The following MGAT5 variants were observed in gnomAD, a reference collection of about 807,000 sequenced individuals.
The protein encoded by MGAT5 is alpha-1,6-mannosylglycoprotein 6-beta-N-acetylglucosaminyltransferase A.
A neutral mutation model predicts 94.3 loss-of-function variants in MGAT5; 30 were observed. The observed-to-expected ratio is 0.32, with a 90% CI of 0.24 to 0.43. MGAT5 has a LOEUF of 0.43. Ranked by LOEUF, MGAT5 falls within the 20% of genes least tolerant of loss-of-function variation. The pLI, the probability that MGAT5 is intolerant of heterozygous loss-of-function variation, is 1.00. For missense variants in MGAT5, 691 were observed against 905.5 expected (o/e 0.76, Z 3.04); for synonymous variants, 310 against 322.9 (o/e 0.96, Z 0.43).
At chr2:134,327,771 T>A (rs1196446547) in intron 4 of MGAT5, among the ~76,000 whole-genome samples, 1 of 152,160 alleles carries the variant, frequency 6.6e-6, no homozygotes, top group Admixed American at 6.6e-5. Context: ...AGGGCTCAGA[T>A]AGACTGTTAG....
At chr2:134,159,204 T>TGA (rs1687616559) in intron 1 of MGAT5, among the ~76,000 whole-genome samples, 1 of 151,472 alleles carries the variant, frequency 6.6e-6, no homozygotes, top group Non-Finnish European at 1.5e-5. Flanking sequence ...TGTGTGTGTG[T>TGA]GTGTGTGTGT....
rs371415125 is a variant in MGAT5, at chr2:134,280,185, C to T, written c.406+9635C>T. 1.8e-4 allele frequency among the ~76,000 whole-genome samples: 27 copies of T among 152,194 alleles called. No individual in the cohort carries two copies. The East Asian group carries it at 3.3e-3, about 19-fold the overall frequency. ...CCCAGAAAAAGGAGAGAAAGCAATG[C>T]GGGGTGAAGATGGTTTGAAATTCTT... On this transcript the variant is annotated intron_variant, in intron 2 of 15. Transcript: ENST00000281923.
At chr2:134,235,310 G>A (rs1180855460) in intron 1 of MGAT5, among the ~76,000 whole-genome samples, 1 of 152,148 alleles carries the variant, frequency 6.6e-6, no homozygotes, top group African/African-American at 2.4e-5. Flanking sequence ...CTGCACCTTA[G>A]AGTCTCTTGG....
chr2:134,291,906 C>T (rs900089950), intron 2 of MGAT5, among the ~76,000 whole-genome samples: 4 of 152,120 alleles, frequency 2.6e-5, no homozygotes, highest in African/African-American at 4.8e-5. Context: ...CCCTTTATAT[C>T]GGCAGTCATA....
intron 4 of MGAT5, among the ~76,000 whole-genome samples, chr2:134,320,652 A>G (rs1687260558): frequency 6.6e-6 from 1 of 152,120 alleles, no homozygotes; most frequent in South Asian, 2.1e-4. Flanking sequence ...TATTTGACCA[A>G]TAATAACAGC....
chr2:134,170,306 C>A (rs1045597809), intron 1 of MGAT5, among the ~76,000 whole-genome samples: 1 of 152,328 alleles, frequency 6.6e-6, no homozygotes, highest in Non-Finnish European at 1.5e-5. Flanking sequence ...TCAAGGCTGT[C>A]TCAGACACAT....
intron 2 of MGAT5, among the ~76,000 whole-genome samples, chr2:134,288,123 G>A (rs538591661): frequency 6.6e-6 from 1 of 152,060 alleles, no homozygotes; most frequent in Non-Finnish European, 1.5e-5. Context: ...CTTTATTTTT[G>A]CTGGTTTGGC....
At chr2:134,261,472 G>A (rs989021214) in intron 1 of MGAT5, among the ~76,000 whole-genome samples, 11 of 152,110 alleles carry the variant, frequency 7.2e-5, no homozygotes, top group Admixed American at 2.6e-4. Context: ...CTGAGCATTC[G>A]CCTGTCTTTG....
At chr2:134,312,555 C>T (rs1686739794) in intron 2 of MGAT5, among the ~76,000 whole-genome samples, 1 of 152,138 alleles carries the variant, frequency 6.6e-6, no homozygotes, top group Non-Finnish European at 1.5e-5. Context: ...GCATTTGTTC[C>T]TTCCGTTATT....
At chr2:134,219,053 A>G (rs1320317878) in intron 1 of MGAT5, among the ~76,000 whole-genome samples, 1 of 152,186 alleles carries the variant, frequency 6.6e-6, no homozygotes, top group Non-Finnish European at 1.5e-5. Context: ...GGAGATGGAC[A>G]TGTCAGTGGC....
intron 1 of MGAT5, among the ~76,000 whole-genome samples, chr2:134,198,323 C>G (rs1679598883): frequency 6.6e-6 from 1 of 152,212 alleles, no homozygotes; most frequent in South Asian, 2.1e-4. Context: ...CTGTCAAGCT[C>G]TGTGTAGCTC....
intron 2 of MGAT5, among the ~76,000 whole-genome samples, chr2:134,300,935 A>G (rs1366285029): frequency 1.3e-5 from 2 of 152,152 alleles, no homozygotes; most frequent in East Asian, 1.9e-4. Flanking sequence ...ATGAGTTTTA[A>G]TAAATGTATA....
At chr2:134,381,677 G>A (rs142324520) in intron 10 of MGAT5, among the ~76,000 whole-genome samples, 3 of 152,296 alleles carry the variant, frequency 2.0e-5, no homozygotes, top group South Asian at 2.1e-4. Flanking sequence ...TCCAGGAAAG[G>A]GTGGTTGGCT....
intron 1 of MGAT5, among the ~76,000 whole-genome samples, chr2:134,132,935 T>A (rs948273437): frequency 2.6e-5 from 4 of 152,234 alleles, no homozygotes; most frequent in Non-Finnish European, 4.4e-5. Flanking sequence ...CATTTCTAAA[T>A]TGTTTCATTA....
intron 2 of MGAT5, among the ~76,000 whole-genome samples, chr2:134,292,035 TTTG>T (rs1685399562): frequency 1.3e-5 from 2 of 152,302 alleles, no homozygotes; most frequent in East Asian, 1.9e-4. Flanking sequence ...CCATTTTTTT[TTTG>T]TTTAGAGATG....
chr2:134,347,821 G>A (rs1187133685), intron 8 of MGAT5, among the ~76,000 whole-genome samples: 1 of 152,144 alleles, frequency 6.6e-6, no homozygotes, highest in African/African-American at 2.4e-5. Flanking sequence ...GCCAATAAAT[G>A]GAAGAAGCTG....
At chr2:134,396,822 C>T (rs1437159673) in intron 10 of MGAT5, among the ~76,000 whole-genome samples, 1 of 152,220 alleles carries the variant, frequency 6.6e-6, no homozygotes, top group African/African-American at 2.4e-5. Context: ...CATCTGGGAA[C>T]ATCCAGTGAC....
At chr2:134,173,741 C>A (rs1459184032) in intron 1 of MGAT5, among the ~76,000 whole-genome samples, 2 of 152,192 alleles carry the variant, frequency 1.3e-5, no homozygotes, top group Non-Finnish European at 2.9e-5. Flanking sequence ...TGTTGTCAAC[C>A]TGTTGTTGGA....
Position 134,449,731 on chromosome 2 carries a change from G to A in MGAT5, c.*884G>A, listed in dbSNP as rs1367261295. On this transcript the variant is annotated 3_prime_UTR_variant, in exon 16 of 16. Transcript: ENST00000281923. ...ACCCTCCCTCCAGCCCCGCTATGAG[G>A]AGGAAAGTAGAGATGAAAGACTCAC... 6.6e-6 allele frequency: 1 copy of A among 152,236 alleles called. No individual in the cohort carries two copies. Among genetic ancestry groups the A allele is most frequent in the Non-Finnish European group, 1.5e-5 (1 of 68,056 alleles). The allele number at this position is 152,236 out of a possible 1,614,324, so 9.4% of individuals were successfully genotyped here. A position where few individuals can be genotyped will look rare whatever the true frequency, so the allele number is the denominator to read the frequency against.
Sources: allele counts gnomAD v4.1 joint callset (sites outside exome capture counted in the v4.1 genomes callset), GRCh38; gene constraint gnomAD v4.1.1; transcripts MANE v1.5; gene names NCBI Gene and HGNC (gene_info 2026-07-23, HGNC 2026-07-21).